The following TOMM22 variants were observed in gnomAD, a reference collection of about 807,000 sequenced individuals.
The protein encoded by TOMM22 is mitochondrial import receptor subunit TOM22 homolog.
Under a neutral mutation model 17.1 loss-of-function variants are expected in TOMM22, and 3 were observed. That is an observed-to-expected ratio of 0.18 (90% CI 0.08 to 0.45). TOMM22 has a LOEUF of 0.45. Among genes scored for constraint, TOMM22 ranks in the 20% least tolerant of loss-of-function variants. The pLI is 0.99. For synonymous variants in TOMM22, 91 were observed against 74.0 expected (o/e 1.23, Z -1.18); for missense variants, 159 against 179.5 (o/e 0.89, Z 0.65).
rs564047531 is a variant in TOMM22, at chr22:38,683,235, A to G, written c.354+239A>G. 2.0e-5 allele frequency among the ~76,000 whole-genome samples: 3 copies of G among 152,092 alleles called. No homozygotes were observed. The East Asian group carries it at 5.8e-4, about 29-fold the overall frequency. On this transcript the variant is annotated intron_variant, in intron 3 of 3. Transcript: ENST00000216034. ...GTAATATATAATGAAATAATTCTATAACGTAGAATGAGTGGGAGCCCTGAG... is the reference window on the plus strand; with the variant it reads ...GTAATATATAATGAAATAATTCTATGACGTAGAATGAGTGGGAGCCCTGAG...
At chr22:38,682,499 A>C (rs554136338) in intron 2 of TOMM22, 58 bp downstream of exon 2, 1 of 1,503,234 alleles carries the variant, frequency 6.7e-7, no homozygotes, top group Non-Finnish European at 9.3e-7. Context: ...GGTGCTGTGA[A>C]AGAACACGGG....
chr22:38,683,715 A>C, intron 3 of TOMM22, 52 bp from the exon 4 acceptor site: 1 of 1,448,948 alleles, frequency 6.9e-7, no homozygotes, highest in Non-Finnish European at 9.7e-7. Flanking sequence ...TATGGTGAGA[A>C]TAAGCTCTCT....
At position 38,682,320 on chromosome 22, in the gene TOMM22, C is replaced by A; in HGVS notation, c.118-3C>A. On this transcript the variant is annotated splice_polypyrimidine_tract_variant and splice_region_variant and intron_variant, in intron 1 of 3. Transcript: ENST00000216034. ...GCTAAGACCCGCGTCTACTCCACCACAGCTAGATGAGACCCTGTCGGAGAG... is the reference window on the plus strand; with the variant it reads ...GCTAAGACCCGCGTCTACTCCACCAAAGCTAGATGAGACCCTGTCGGAGAG... The A allele has an allele frequency of 6.2e-7, 1 of 1,613,366 alleles. No homozygotes were observed. Among genetic ancestry groups the A allele is most frequent in the Non-Finnish European group, 8.5e-7 (1 of 1,179,328 alleles).
rs2092493229 is a variant in TOMM22, at chr22:38,685,260, C to G, written c.*1419C>G. 1 of 152,248 alleles carries G rather than the reference C, an allele frequency of 6.6e-6. No homozygotes were observed. Among genetic ancestry groups the G allele is most frequent in the African/African-American group, 2.4e-5 (1 of 41,448 alleles). The allele number at this position is 152,248 out of a possible 1,614,324, so 9.4% of individuals were successfully genotyped here. A position where few individuals can be genotyped will look rare whatever the true frequency, so the allele number is the denominator to read the frequency against. ...AGCTACAGAACACTGCTGCTGTGCG[C>G]TCGGGATGGTGGGGCTGGGCCCAGG... On this transcript the variant is annotated 3_prime_UTR_variant, in exon 4 of 4. Coordinates refer to ENST00000216034, the MANE Select transcript of TOMM22 (RefSeq NM_020243.5).
intron 2 of TOMM22, 146 bp downstream of exon 2, chr22:38,682,587 G>C (rs2092482350): frequency 1.3e-6 from 1 of 742,186 alleles, no homozygotes; most frequent in East Asian, 2.5e-5. Context: ...TCTGTAAAAT[G>C]GGGATTCTTA....
In TOMM22 at chr22:38,684,054, C is replaced by G; in HGVS notation, c.*213C>G. The stretch of plus-strand genomic sequence containing the variant: ...CTTACTTCTGTCTCCACTCTGATAC[C>G]AGAGTGCAGCCATGCAGATGGTTAT... On this transcript the variant is annotated 3_prime_UTR_variant, in exon 4 of 4. Coordinates refer to ENST00000216034, the MANE Select transcript of TOMM22 (RefSeq NM_020243.5). The G allele has an allele frequency of 1.9e-6, 1 of 537,906 alleles. No individual in the cohort carries two copies. The highest frequency in any genetic ancestry group is 3.4e-6 in the Non-Finnish European group (1 of 297,196). 33.3% of individuals were successfully genotyped at this position (537,906 alleles called of 1,614,324 possible).
chr22:38,682,284 T>A (rs745885334), intron 1 of TOMM22, 39 bp from the exon 2 acceptor site: 22 of 1,601,280 alleles, frequency 1.4e-5, no homozygotes, highest in Non-Finnish European at 1.6e-5. Context: ...GGAATGGATG[T>A]CGCTTTTTCG....
intron 2 of TOMM22, 66 bp downstream of exon 2, chr22:38,682,507 G>T: frequency 6.8e-7 from 1 of 1,464,450 alleles, no homozygotes; most frequent in South Asian, 1.1e-5. Context: ...GAAAGAACAC[G>T]GGGTTTGGAA....
chr22:38,682,686 C>T (rs879094689), intron 2 of TOMM22, among the ~76,000 whole-genome samples, 193 bp from the exon 3 acceptor site: 1 of 151,750 alleles, frequency 6.6e-6, no homozygotes, highest in African/African-American at 2.4e-5. Context: ...GAATGTTAAA[C>T]CGCCATCACT....
Position 38,683,003 on chromosome 22 carries a change from C to T in TOMM22, c.354+7C>T. The T allele has an allele frequency of 6.2e-7, 1 of 1,612,882 alleles. No individual in the cohort carries two copies. The highest frequency in any genetic ancestry group is 1.1e-5 in the South Asian group (1 of 91,022). ...GCAACTGCAGCAGCGGCAGGTGAGC[C>T]CAGACCTTGGGCTTTTTGCCAGTGG... On this transcript the variant is annotated splice_region_variant and intron_variant, in intron 3 of 3. Coordinates refer to ENST00000216034, the MANE Select transcript of TOMM22 (RefSeq NM_020243.5).
In TOMM22 at chr22:38,682,360, C is replaced by T. The variant is rs1265009836; in HGVS notation, c.155C>T (p.Thr52Met). The T allele has an allele frequency of 1.9e-6, 3 of 1,614,080 alleles. No individual in the cohort carries two copies. The highest frequency in any genetic ancestry group is 2.5e-6 in the Non-Finnish European group (3 of 1,180,042). The change falls in exon 2 of 4, where the codon ACG (threonine) becomes ATG (methionine). Residue 52 changes from threonine to methionine, a missense_variant. Coordinates refer to ENST00000216034, the MANE Select transcript of TOMM22 (RefSeq NM_020243.5). ...CTGTCGGAGAGACTATGGGGCCTGA[C>T]GGAGATGTTTCCGGAGAGGGTCCGG... is the stretch of plus-strand genomic sequence containing the variant. ...ETLSERLWGL[T>M]EMFPERVRSA...
chr22:38,683,127 G>A (rs2092484317), intron 3 of TOMM22, 131 bp downstream of exon 3: 1 of 543,532 alleles, frequency 1.8e-6, no homozygotes, highest in South Asian at 2.3e-5. Flanking sequence ...TGGTGGGTTG[G>A]GGGTGGCCGG....
At position 38,683,818 on chromosome 22, in the gene TOMM22, C is replaced by G; in HGVS notation, c.406C>G (p.Pro136Ala). 1 of 1,613,954 alleles carries G rather than the reference C, an allele frequency of 6.2e-7. No homozygotes were observed. The change falls in exon 4 of 4, where the codon CCC becomes GCC. Residue 136 changes from proline to alanine, a missense_variant. Pro to Ala is a conservative substitution (Grantham distance 27). This residue lies in a region of TOMM22 where 33 missense variants were observed against 34.7 expected (regional missense o/e 0.95). Coordinates refer to ENST00000216034, the MANE Select transcript of TOMM22 (RefSeq NM_020243.5). The part of the protein sequence containing the change: ...GLSGGMPGAL[P>A]SLPGKI ...CTCAGGAGGAATGCCAGGGGCTCTA[C>G]CCTCACTTCCTGGAAAGATCTAGAT...
At chr22:38,682,751 A>C (rs1321046367) in intron 2 of TOMM22, 128 bp from the exon 3 acceptor site, 1 of 810,178 alleles carries the variant, frequency 1.2e-6, no homozygotes, top group Non-Finnish European at 2.1e-6. Context: ...GTATGGTGTA[A>C]GGAGCGGGTA....
rs777604147 is a variant in TOMM22 at position 38,682,135 on chromosome 22, C to T, written c.117+40C>T. On this transcript the variant is annotated intron_variant, in intron 1 of 3. Transcript: ENST00000216034. ...CGGGGTGCAGAGCGGGAAGCGGGCC[C>T]GCTCGTGGGTGTGGGATCCGCGTGG... 5.2e-6 allele frequency: 8 copies of T among 1,544,526 alleles called. No individual in the cohort carries two copies. The African/African-American group carries it at 9.6e-5, about 18-fold the overall frequency.
chr22:38,682,855 C>T (rs2092483310), intron 2 of TOMM22, 24 bp from the exon 3 acceptor site: 1 of 1,604,650 alleles, frequency 6.2e-7, no homozygotes, highest in Non-Finnish European at 8.5e-7. Context: ...TTCATGCTCA[C>T]CCTCTGGGGA....
In TOMM22 at chr22:38,682,334, C is replaced by T. The variant is rs1464298858; in HGVS notation, c.129C>T (p.Thr43=). ...CTACTCCACCACAGCTAGATGAGAC[C>T]CTGTCGGAGAGACTATGGGGCCTGA... ...EEDDDEELDE[T]LSERLWGLTE... is the part of the protein sequence containing the mutation. The change falls in exon 2 of 4, where the codon ACC becomes ACT. Residue 43 remains threonine, a synonymous_variant. Transcript: ENST00000216034. 6.8e-6 allele frequency: 11 copies of T among 1,614,008 alleles called. No individual in the cohort carries two copies. The highest frequency in any genetic ancestry group is 1.3e-5 in the African/African-American group (1 of 74,928).
Position 38,682,078 on chromosome 22 carries a change from G to A in TOMM22, c.100G>A (p.Glu34Lys). The A allele has an allele frequency of 1.3e-6, 2 of 1,585,836 alleles. No individual in the cohort carries two copies. Among genetic ancestry groups the A allele is most frequent in the Non-Finnish European group, 8.6e-7 (1 of 1,166,174 alleles). ...DAEKPEEELE[E>K]DDDEELDETL... ...GGAGAAGCCTGAGGAGGAGCTGGAG[G>A]AGGACGACGATGAGGAGGTACTAGG... The change falls in exon 1 of 4, where the codon GAG becomes AAG. Residue 34 changes from glutamate (E) to lysine (K), a missense_variant. This residue lies in a region of TOMM22 where 107 missense variants were observed against 100.2 expected (regional missense o/e 1.07). Coordinates refer to ENST00000216034, the MANE Select transcript of TOMM22 (RefSeq NM_020243.5).
intron 3 of TOMM22, 121 bp downstream of exon 3, chr22:38,683,117 T>C: frequency 1.1e-5 from 1 of 87,082 alleles, no homozygotes; most frequent in South Asian, 1.1e-4. Flanking sequence ...TTTACATGGA[T>C]GGTGGGTTGG....
Sources: allele counts gnomAD v4.1 joint callset (sites outside exome capture counted in the v4.1 genomes callset), GRCh38; gene constraint gnomAD v4.1.1; regional missense constraint gnomAD v4.1.1; transcripts MANE v1.5; gene names NCBI Gene and HGNC (gene_info 2026-07-23, HGNC 2026-07-21).